The following PROS1 variants were observed in gnomAD, a reference collection of about 807,000 sequenced individuals.
PROS1 encodes the protein protein S, also known as vitamin K-dependent protein S.
Under a neutral mutation model 75.9 loss-of-function variants are expected in PROS1, and 29 were observed. The observed-to-expected ratio is 0.38, with a 90% CI of 0.28 to 0.52. The LOEUF (loss-of-function observed/expected upper bound fraction) is 0.52, where lower values mean the gene tolerates loss of function less well. Ranked by LOEUF, PROS1 falls within the 20% of genes least tolerant of loss-of-function variation. PROS1 has a pLI of 0.83. For synonymous variants in PROS1, 245 were observed against 280.6 expected (o/e 0.87, Z 1.27); for missense variants, 680 against 810.3 (o/e 0.84, Z 1.95).
At chr3:93,959,566 T>C (rs564161523) in intron 1 of PROS1, among the ~76,000 whole-genome samples, 2 of 152,316 alleles carry the variant, frequency 1.3e-5, no homozygotes, top group South Asian at 4.1e-4. Context: ...CTCTATCTCA[T>C]TAAAAACTAG....
chr3:93,954,607 TA>T (rs1269219165), intron 1 of PROS1, among the ~76,000 whole-genome samples: 1 of 152,128 alleles, frequency 6.6e-6, no homozygotes, highest in African/African-American at 2.4e-5. Context: ...ATGTTAGACC[TA>T]AAACCATAAA....
At chr3:93,932,246 A>T (rs1244585693) in intron 1 of PROS1, among the ~76,000 whole-genome samples, 1 of 152,232 alleles carries the variant, frequency 6.6e-6, no homozygotes, top group Non-Finnish European at 1.5e-5. Flanking sequence ...TTCTAAGTAG[A>T]TTAAAATTTT....
intron 1 of PROS1, among the ~76,000 whole-genome samples, chr3:93,952,573 A>G (rs1209514707): frequency 6.6e-6 from 1 of 152,240 alleles, no homozygotes; most frequent in Non-Finnish European, 1.5e-5. Context: ...GGACACATTT[A>G]AAGCAGTGTG....
In PROS1 at chr3:93,896,510, C is replaced by T. The variant is rs566612675; in HGVS notation, c.965+66G>A. 1.1e-4 allele frequency: 128 copies of T among 1,185,004 alleles called. No individual in the cohort carries two copies. The African/African-American group carries it at 1.2e-3, about 11-fold the overall frequency. The allele number at this position is 1,185,004 out of a possible 1,614,324, so 73.4% of individuals were successfully genotyped here. On this transcript the variant is annotated intron_variant, in intron 9 of 14. Coordinates refer to ENST00000394236, the MANE Select transcript of PROS1 (RefSeq NM_000313.4). Reference sequence around the variant, plus strand: ...CAATTTCACACACTTCAAACCTTTTCGGCCACTTTTCTTCTGCCCTTATCT... The same window carrying T: ...CAATTTCACACACTTCAAACCTTTTTGGCCACTTTTCTTCTGCCCTTATCT...
intron 1 of PROS1, among the ~76,000 whole-genome samples, chr3:93,959,841 T>C (rs1709673873): frequency 6.6e-6 from 1 of 152,212 alleles, no homozygotes; most frequent in Non-Finnish European, 1.5e-5. Flanking sequence ...GTAATTTCAA[T>C]ATCAGCTGTT....
At chr3:93,898,228 G>A (rs145158915) in intron 8 of PROS1, among the ~76,000 whole-genome samples, 2 of 152,034 alleles carry the variant, frequency 1.3e-5, no homozygotes, top group East Asian at 3.9e-4. Context: ...TCTAAACTGT[G>A]ACTCTACCCT....
chr3:93,903,836 C>CT (rs1360434373), intron 6 of PROS1, among the ~76,000 whole-genome samples: 3 of 150,830 alleles, frequency 2.0e-5, no homozygotes, highest in Non-Finnish European at 4.4e-5. Context: ...TAATTATACT[C>CT]TAAGTTCTAG....
At position 93,930,735 on chromosome 3, in the gene PROS1, A is replaced by G. The variant is rs543627227; in HGVS notation, c.77-3328T>C. On this transcript the variant is annotated intron_variant, in intron 1 of 14. Transcript: ENST00000394236. The stretch of plus-strand genomic sequence containing the variant: ...TCCACTTAAGTTTATAAAAGTAAAC[A>G]TAACCACCTTTATTATTTAAGAGAT... 2.0e-5 allele frequency among the ~76,000 whole-genome samples: 3 copies of G among 152,360 alleles called. No homozygotes were observed. The East Asian group carries it at 5.8e-4, about 29-fold the overall frequency.
At chr3:93,914,326 C>A (rs1189782995) in intron 3 of PROS1, among the ~76,000 whole-genome samples, 1 of 152,240 alleles carries the variant, frequency 6.6e-6, no homozygotes, top group Non-Finnish European at 1.5e-5. Flanking sequence ...TGGAGGCCAC[C>A]TTGACCCCAC....
chr3:93,915,076 G>A lies in PROS1; in HGVS notation c.260-4371C>T, dbSNP rs115404275. The stretch of plus-strand genomic sequence containing the variant: ...TTCACTCTTTATATGACCAGGCTGC[G>A]AATTTCCCAAATATTTTTGCCCTGA... On this transcript the variant is annotated intron_variant, in intron 3 of 14. Coordinates refer to ENST00000394236, the MANE Select transcript of PROS1 (RefSeq NM_000313.4). Among the ~76,000 whole-genome samples, 597 of 152,240 alleles carry A rather than the reference G, an allele frequency of 3.9e-3. 5 individuals are homozygous for A. The highest frequency in any genetic ancestry group is 0.013 in the African/African-American group (549 of 41,548).
chr3:93,971,535 G>A (rs567899635), intron 1 of PROS1, among the ~76,000 whole-genome samples: 86 of 151,752 alleles, frequency 5.7e-4, no homozygotes, highest in Non-Finnish European at 9.7e-4. Flanking sequence ...GGCAGCCAAA[G>A]TAGGCAGGCC....
chr3:93,898,160 T>G (rs1247581205), intron 8 of PROS1, among the ~76,000 whole-genome samples: 3 of 152,074 alleles, frequency 2.0e-5, no homozygotes, highest in Non-Finnish European at 4.4e-5. Flanking sequence ...TTTTCTTGAT[T>G]TCTTAAGTAA....
chr3:93,963,207 G>C (rs1268509033), intron 1 of PROS1, among the ~76,000 whole-genome samples: 1 of 152,126 alleles, frequency 6.6e-6, no homozygotes, highest in African/African-American at 2.4e-5. Flanking sequence ...TTTGTTGTTT[G>C]TTTGTTTTTT....
chr3:93,919,524 A>G (rs564575359), intron 3 of PROS1, among the ~76,000 whole-genome samples: 5 of 150,232 alleles, frequency 3.3e-5, no homozygotes, highest in Non-Finnish European at 5.9e-5. Flanking sequence ...TATATTTTTG[A>G]TATTTATTTG....
intron 3 of PROS1, among the ~76,000 whole-genome samples, chr3:93,914,448 G>A (rs373465236): frequency 3.3e-5 from 5 of 152,166 alleles, no homozygotes; most frequent in African/African-American, 1.2e-4. Context: ...GCCCACTTGA[G>A]CCATGGATGG....
chr3:93,922,111 T>C (rs999256701), intron 3 of PROS1, among the ~76,000 whole-genome samples: 2 of 152,218 alleles, frequency 1.3e-5, no homozygotes, highest in African/African-American at 4.8e-5. Context: ...CTTCTTTTTG[T>C]CATTTTATTT....
chr3:93,953,706 A>C (rs1011041034), intron 1 of PROS1, among the ~76,000 whole-genome samples: 2 of 152,202 alleles, frequency 1.3e-5, no homozygotes, highest in African/African-American at 4.8e-5. Context: ...TATTCAAAAT[A>C]GGGTTGGAAG....
chr3:93,883,161 C>T (rs1457171389), intron 12 of PROS1, among the ~76,000 whole-genome samples: 10 of 152,260 alleles, frequency 6.6e-5, no homozygotes, highest in Non-Finnish European at 1.3e-4. Context: ...CCCCAACCTC[C>T]GCATCTTCTC....
chr3:93,956,400 G>A (rs1411447435), intron 1 of PROS1, among the ~76,000 whole-genome samples: 2 of 152,090 alleles, frequency 1.3e-5, no homozygotes, highest in African/African-American at 4.8e-5. Flanking sequence ...AAGAGGCTGA[G>A]GTAGGAGGAT....
Sources: allele counts gnomAD v4.1 joint callset (sites outside exome capture counted in the v4.1 genomes callset), GRCh38; gene constraint gnomAD v4.1.1; transcripts MANE v1.5; gene names NCBI Gene and HGNC (gene_info 2026-07-23, HGNC 2026-07-21).